The following CAMK4 variants were observed in gnomAD, a reference collection of about 807,000 sequenced individuals.
CAMK4 encodes calcium/calmodulin dependent protein kinase IV.
In CAMK4, 22 loss-of-function variants were observed where a neutral mutation model predicts 44.9. That is an observed-to-expected ratio of 0.49 (90% CI 0.35 to 0.70). The LOEUF is 0.70. CAMK4 is among the 30% of genes least tolerant of loss of function. The pLI is 0.01. For missense variants in CAMK4, 498 were observed against 586.8 expected (o/e 0.85, Z 1.56); for synonymous variants, 218 against 215.4 (o/e 1.01, Z -0.11).
At chr5:111,378,841 T>C (rs933168411) in intron 4 of CAMK4, among the ~76,000 whole-genome samples, 1 of 152,134 alleles carries the variant, frequency 6.6e-6, no homozygotes, top group African/African-American at 2.4e-5. Context: ...TTGAAGTGGC[T>C]TTATGTTGCT....
intron 1 of CAMK4, among the ~76,000 whole-genome samples, chr5:111,327,320 C>A (rs995044811): frequency 5.6e-4 from 86 of 152,236 alleles, no homozygotes; most frequent in South Asian, 3.7e-3. Flanking sequence ...CATCCATGTC[C>A]CTGCAAAGGA....
intron 1 of CAMK4, among the ~76,000 whole-genome samples, chr5:111,297,639 C>A (rs1435228579): frequency 6.6e-6 from 1 of 152,180 alleles, no homozygotes; most frequent in African/African-American, 2.4e-5. Context: ...AAATTTTCCA[C>A]TGGAGGCTAA....
At chr5:111,385,827 G>A (rs1751581093) in intron 4 of CAMK4, among the ~76,000 whole-genome samples, 1 of 152,162 alleles carries the variant, frequency 6.6e-6, no homozygotes, top group East Asian at 1.9e-4. Flanking sequence ...CACCTACCTT[G>A]CCCTCCCAAG....
chr5:111,279,239 G>A lies in CAMK4; in HGVS notation c.161+54595G>A, dbSNP rs192237886. Among the ~76,000 whole-genome samples, 547 of 152,332 alleles carry A rather than the reference G, an allele frequency of 3.6e-3. 4 individuals carry two copies. Among genetic ancestry groups the A allele is most frequent in the African/African-American group, 0.013 (520 of 41,574 alleles). ...GAATGATGAATATTACTGGAGGAAA[G>A]GAGTGAGGCCAGGCCAAAGTTCAAA... On this transcript the variant is annotated intron_variant, in intron 1 of 10. Transcript: ENST00000282356.
chr5:111,395,095 A>G (rs1751948612), intron 5 of CAMK4, among the ~76,000 whole-genome samples: 1 of 151,484 alleles, frequency 6.6e-6, no homozygotes, highest in African/African-American at 2.4e-5. Flanking sequence ...TGTAATTCCA[A>G]CTACTTCAGG....
chr5:111,400,325 G>A (rs1257355774), intron 5 of CAMK4, among the ~76,000 whole-genome samples: 1 of 152,168 alleles, frequency 6.6e-6, no homozygotes, highest in African/African-American at 2.4e-5. Flanking sequence ...AGAAATGGCT[G>A]GCATTTATGA....
chr5:111,470,472 C>T (rs890329941), intron 7 of CAMK4, among the ~76,000 whole-genome samples: 1 of 152,094 alleles, frequency 6.6e-6, no homozygotes, highest in African/African-American at 2.4e-5. Flanking sequence ...ATAGGGAGCA[C>T]TTCAAAAAGT....
At chr5:111,237,545 G>A (rs149163187) in intron 1 of CAMK4, among the ~76,000 whole-genome samples, 1 of 152,126 alleles carries the variant, frequency 6.6e-6, no homozygotes, top group Non-Finnish European at 1.5e-5. Flanking sequence ...TGTACCTATT[G>A]TTACATTCAC....
chr5:111,375,865 A>T (rs1751194945), intron 3 of CAMK4, among the ~76,000 whole-genome samples: 1 of 152,066 alleles, frequency 6.6e-6, no homozygotes, highest in Non-Finnish European at 1.5e-5. Context: ...AAGTCATCAC[A>T]TCTATATTCA....
chr5:111,407,029 A>G (rs934200214), intron 5 of CAMK4, among the ~76,000 whole-genome samples: 1 of 152,190 alleles, frequency 6.6e-6, no homozygotes, highest in Non-Finnish European at 1.5e-5. Flanking sequence ...TCAGGATGAG[A>G]AATATGTCTA....
At chr5:111,463,377 A>G (rs886598115) in intron 7 of CAMK4, among the ~76,000 whole-genome samples, 10 of 152,222 alleles carry the variant, frequency 6.6e-5, no homozygotes, top group Admixed American at 2.6e-4. Context: ...TATAGGAAGC[A>G]GATTGTTCCT....
intron 1 of CAMK4, among the ~76,000 whole-genome samples, chr5:111,240,372 A>T (rs1748932284): frequency 6.6e-6 from 1 of 152,096 alleles, no homozygotes; most frequent in African/African-American, 2.4e-5. Flanking sequence ...GTGCACGCTG[A>T]TAAAACAATA....
intron 1 of CAMK4, among the ~76,000 whole-genome samples, chr5:111,261,995 G>C (rs952364425): frequency 4.6e-5 from 7 of 152,026 alleles, no homozygotes; most frequent in Non-Finnish European, 7.4e-5. Context: ...ATCTTTGAGA[G>C]TTTAATACTT....
In CAMK4 at chr5:111,491,698, AC is replaced by A. The variant is rs1249456865; in HGVS notation, c.*7233del. The A allele has an allele frequency of 6.6e-6, 1 of 152,182 alleles. No homozygotes were observed. Among genetic ancestry groups the A allele is most frequent in the African/African-American group, 2.4e-5 (1 of 41,444 alleles). 9.4% of individuals were successfully genotyped at this position (152,182 alleles called of 1,614,324 possible). On this transcript the variant is annotated 3_prime_UTR_variant, in exon 11 of 11. Transcript: ENST00000282356. ...AGCATGTTTTAGAAATTTGATCCTT[AC>A]ATTTAAAATTATGTAAATGACATCT...
chr5:111,478,573 G>A, intron 9 of CAMK4, 66 bp downstream of exon 9: 1 of 812,284 alleles, frequency 1.2e-6, no homozygotes, highest in Non-Finnish European at 1.8e-6. Context: ...TTAATGGGAA[G>A]TACAATTTTT....
At chr5:111,301,571 T>C (rs1747719656) in intron 1 of CAMK4, among the ~76,000 whole-genome samples, 1 of 152,242 alleles carries the variant, frequency 6.6e-6, no homozygotes, top group African/African-American at 2.4e-5. Context: ...AAAATATAGA[T>C]AGGAAGGTGA....
chr5:111,341,246 G>T (rs533817533), intron 1 of CAMK4, among the ~76,000 whole-genome samples: 1 of 151,044 alleles, frequency 6.6e-6, no homozygotes, highest in Non-Finnish European at 1.5e-5. Flanking sequence ...TTGTATTTTT[G>T]ATTTTGTATC....
intron 9 of CAMK4, among the ~76,000 whole-genome samples, chr5:111,479,426 G>A (rs542384660): frequency 6.6e-6 from 1 of 152,310 alleles, no homozygotes; most frequent in South Asian, 2.1e-4. Context: ...TAAAGAGGAT[G>A]CTAACATGAG....
At chr5:111,226,897 G>A (rs1748217434) in intron 1 of CAMK4, among the ~76,000 whole-genome samples, 2 of 152,270 alleles carry the variant, frequency 1.3e-5, no homozygotes, top group South Asian at 2.1e-4. Context: ...TGTAAGTTAA[G>A]CCCATCCTAT....
Sources: allele counts gnomAD v4.1 joint callset (sites outside exome capture counted in the v4.1 genomes callset), GRCh38; gene constraint gnomAD v4.1.1; transcripts MANE v1.5; gene names NCBI Gene and HGNC (gene_info 2026-07-23, HGNC 2026-07-21).